The following SPCS2 variants were observed in gnomAD, a reference collection of about 807,000 sequenced individuals.
SPCS2 encodes SPase 25 kDa subunit.
In SPCS2, 3 loss-of-function variants were observed where a neutral mutation model predicts 22.3. The ratio of observed to expected loss-of-function variants is 0.13; its 90% confidence interval spans 0.06 to 0.35. The LOEUF is 0.35. Among genes scored for constraint, SPCS2 ranks in the 10% least tolerant of loss-of-function variants. The pLI is 1.00. For missense variants in SPCS2, 169 were observed against 280.9 expected (o/e 0.60, Z 2.85); for synonymous variants, 67 against 97.2 (o/e 0.69, Z 1.83).
chr11:74,949,794 C>T (rs2140201335), intron 1 of SPCS2: 5 of 382,994 alleles, frequency 1.3e-5, no homozygotes, highest in East Asian at 7.1e-5. Flanking sequence ...TCTCTACCAC[C>T]ATCACCCTTG....
intron 3 of SPCS2, among the ~76,000 whole-genome samples, chr11:74,966,692 T>C (rs1164033851): frequency 6.6e-6 from 1 of 152,220 alleles, no homozygotes; most frequent in Non-Finnish European, 1.5e-5. Context: ...TTAATTATAC[T>C]TCACTATTAA....
intron 1 of SPCS2, among the ~76,000 whole-genome samples, chr11:74,964,442 G>A (rs992721673): frequency 4.6e-5 from 7 of 152,174 alleles, no homozygotes; most frequent in Admixed American, 3.9e-4. Flanking sequence ...ATGTAGTGTT[G>A]TTTCCAACAG....
chr11:74,978,278 A>T lies in SPCS2; in HGVS notation c.*1235A>T, dbSNP rs1330520789. 6.6e-6 allele frequency: 1 copy of T among 152,256 alleles called. No homozygotes were observed. Among genetic ancestry groups the T allele is most frequent in the African/African-American group, 2.4e-5 (1 of 41,476 alleles). 9.4% of individuals were successfully genotyped at this position (152,256 alleles called of 1,614,324 possible). On this transcript the variant is annotated 3_prime_UTR_variant, in exon 5 of 5. Transcript: ENST00000263672. ...ATTCAGTTTGTAAGAAATTACCATT[A>T]TCACATTTCCTGTTTGTCTTGGAGA... is the stretch of plus-strand genomic sequence containing the variant.
chr11:74,976,590 G>A (rs1031176823), intron 4 of SPCS2, among the ~76,000 whole-genome samples: 6 of 152,202 alleles, frequency 3.9e-5, no homozygotes, highest in Admixed American at 3.3e-4. Context: ...GATGGTCCAC[G>A]TGGTTTAAAA....
chr11:74,972,743 A>G (rs1171091437), intron 4 of SPCS2, among the ~76,000 whole-genome samples: 1 of 151,372 alleles, frequency 6.6e-6, no homozygotes, highest in African/African-American at 2.4e-5. Flanking sequence ...TTAAACAACA[A>G]ATTGGATCCA....
rs117778796 is a variant in SPCS2 at position 74,969,836 on chromosome 11, T to A, written c.494+137T>A. ...GTCATATAAAATGAAGAAAGGAGTA[T>A]GGATGATCTAGAAGGTTTGTCCTAG... On this transcript the variant is annotated intron_variant, in intron 4 of 4. Coordinates refer to ENST00000263672, the MANE Select transcript of SPCS2 (RefSeq NM_014752.3). The A allele has an allele frequency of 1.1e-4, 114 of 1,046,328 alleles. No individual in the cohort carries two copies. In the East Asian group the frequency reaches 2.7e-3, roughly 25 times the overall value. 64.8% of individuals were successfully genotyped at this position (1,046,328 alleles called of 1,614,324 possible). A position where few individuals can be genotyped will look rare whatever the true frequency, so the allele number is the denominator to read the frequency against.
At position 74,958,844 on chromosome 11, in the gene SPCS2, C is replaced by T. The variant is rs898141646; in HGVS notation, c.115-6190C>T. 9.9e-5 allele frequency among the ~76,000 whole-genome samples: 15 copies of T among 152,124 alleles called. 1 individual carries two copies. The highest frequency in any genetic ancestry group is 3.4e-4 in the African/African-American group (14 of 41,416). On this transcript the variant is annotated intron_variant, in intron 1 of 4. Transcript: ENST00000263672. The stretch of plus-strand genomic sequence containing the variant: ...GTTGAGCATTGAGGCTCTGCACTTA[C>T]ATCAGGCCCCATCTGCATCTCTATG...
At chr11:74,970,645 C>T (rs12294172) in intron 4 of SPCS2, among the ~76,000 whole-genome samples, 1,757 of 152,228 alleles carry the variant, frequency 0.012, 45 homozygotes, top group African/African-American at 0.04. Context: ...CTTGTAGAAG[C>T]GCCTATGAGA....
intron 1 of SPCS2, among the ~76,000 whole-genome samples, chr11:74,961,900 G>A (rs1321156879): frequency 6.6e-6 from 1 of 152,188 alleles, no homozygotes; most frequent in Non-Finnish European, 1.5e-5. Context: ...TTGGGATTGA[G>A]TTCAGGGATT....
chr11:74,951,717 G>A (rs1236626712), intron 1 of SPCS2, among the ~76,000 whole-genome samples: 1 of 151,106 alleles, frequency 6.6e-6, no homozygotes, highest in Admixed American at 6.6e-5. Flanking sequence ...GGCTGAGGCA[G>A]GAGAATCGCT....
At chr11:74,960,224 C>G (rs117884405) in intron 1 of SPCS2, among the ~76,000 whole-genome samples, 1 of 152,126 alleles carries the variant, frequency 6.6e-6, no homozygotes, top group Admixed American at 6.5e-5. Context: ...CCCAGCTACT[C>G]GGGAGGCTGA....
At position 74,977,007 on chromosome 11, in the gene SPCS2, C is replaced by G. The variant is rs199696259; in HGVS notation, c.645C>G (p.Leu215=). The change falls in exon 5 of 5, where the codon CTC becomes CTG. Residue 215 remains leucine (L), a synonymous_variant. Coordinates refer to ENST00000263672, the MANE Select transcript of SPCS2 (RefSeq NM_014752.3). ...CATATGAGCCTGAAATATCCAGGCT[C>G]CATGACAGTCTTGCCATAGAAAGAA... ...MDAYEPEISR[L]HDSLAIERKI... 0.011 allele frequency: 17,381 copies of G among 1,556,606 alleles called. 125 individuals are homozygous for G. Among genetic ancestry groups the G allele is most frequent in the Middle Eastern group, 0.014 (80 of 5,800 alleles).
At chr11:74,976,317 A>G (rs954939288) in intron 4 of SPCS2, among the ~76,000 whole-genome samples, 2 of 152,222 alleles carry the variant, frequency 1.3e-5, no homozygotes, top group Admixed American at 1.3e-4. Context: ...TCATGTCAAC[A>G]GATAGGTAAT....
intron 4 of SPCS2, among the ~76,000 whole-genome samples, chr11:74,972,860 AT>A (rs1396752305): frequency 1.3e-5 from 2 of 149,032 alleles, no homozygotes; most frequent in Non-Finnish European, 3.0e-5. Context: ...AATCAATCTA[AT>A]CTCTCTTATT....
chr11:74,966,039 T>G (rs1565486736), intron 3 of SPCS2, 116 bp downstream of exon 3: 1 of 928,910 alleles, frequency 1.1e-6, no homozygotes, highest in Non-Finnish European at 1.6e-6. Flanking sequence ...AATGTTAGAA[T>G]TCAACATTTT....
chr11:74,978,914 C>T lies in SPCS2; in HGVS notation c.*1871C>T, dbSNP rs1279315756. 6.6e-6 allele frequency: 1 copy of T among 151,906 alleles called. No individual in the cohort carries two copies. Among genetic ancestry groups the T allele is most frequent in the Non-Finnish European group, 1.5e-5 (1 of 67,982 alleles). 9.4% of individuals were successfully genotyped at this position (151,906 alleles called of 1,614,324 possible). ...GTGTCTCCACATACATTTTTTTTAA[C>T]AAAAATTGAATTATGTTGATATATG... On this transcript the variant is annotated 3_prime_UTR_variant, in exon 5 of 5. Coordinates refer to ENST00000263672, the MANE Select transcript of SPCS2 (RefSeq NM_014752.3).
chr11:74,967,098 G>A (rs1948551093), intron 3 of SPCS2, among the ~76,000 whole-genome samples: 1 of 152,202 alleles, frequency 6.6e-6, no homozygotes, highest in Admixed American at 6.5e-5. Context: ...GAGGCAGTTA[G>A]CAAACCTCTG....
intron 1 of SPCS2, chr11:74,963,491 A>G: frequency 2.8e-6 from 1 of 360,946 alleles, no homozygotes; most frequent in Admixed American, 3.7e-5. Context: ...GTATTTCTGT[A>G]GTTGTTTAAA....
intron 1 of SPCS2, among the ~76,000 whole-genome samples, chr11:74,962,184 A>G (rs917591571): frequency 6.6e-6 from 1 of 152,230 alleles, no homozygotes; most frequent in Non-Finnish European, 1.5e-5. Flanking sequence ...AATTTTAGAT[A>G]CTGGCAACAT....
Sources: gnomAD v4.1 joint callset for allele counts (sites outside exome capture counted in the v4.1 genomes callset) on GRCh38, gnomAD v4.1.1 for gene constraint, MANE v1.5 for transcripts, NCBI Gene and HGNC (gene_info 2026-07-23, HGNC 2026-07-21) for gene names.